The following DOCK2 variants were observed in gnomAD, a reference collection of about 807,000 sequenced individuals.
DOCK2 encodes the protein dedicator of cytokinesis 2.
DOCK2 carries 87 observed loss-of-function variants against 248.9 expected under a neutral mutation model. The observed-to-expected ratio is 0.35, with a 90% CI of 0.29 to 0.42. The LOEUF is 0.42. Ranked by LOEUF, DOCK2 falls within the 10% of genes least tolerant of loss-of-function variation. DOCK2 has a pLI of 1.00. For synonymous variants in DOCK2, 805 were observed against 821.6 expected (o/e 0.98, Z 0.35); for missense variants, 1,747 against 2,300.2 (o/e 0.76, Z 4.92).
intron 1 of DOCK2, among the ~76,000 whole-genome samples, chr5:169,649,417 A>C (rs1757673122): frequency 1.3e-5 from 2 of 152,242 alleles, no homozygotes; most frequent in African/African-American, 2.4e-5. Flanking sequence ...GAAGGGACAT[A>C]GCTGCCCTTC....
chr5:169,794,394 A>G (rs2113083804), intron 25 of DOCK2, among the ~76,000 whole-genome samples: 1 of 152,280 alleles, frequency 6.6e-6, no homozygotes, highest in South Asian at 2.1e-4. Context: ...TATCTAACCT[A>G]AGACAACTAT....
At chr5:169,858,228 T>C (rs1770996725) in intron 27 of DOCK2, among the ~76,000 whole-genome samples, 1 of 152,192 alleles carries the variant, frequency 6.6e-6, no homozygotes, top group South Asian at 2.1e-4. Flanking sequence ...GATACCTTGA[T>C]CAAAGAATGA....
chr5:169,723,889 C>G (rs1762335613), intron 22 of DOCK2, among the ~76,000 whole-genome samples: 1 of 152,090 alleles, frequency 6.6e-6, no homozygotes, highest in South Asian at 2.1e-4. Context: ...GAACCTTTGA[C>G]TGTTTTGTAC....
At chr5:169,815,897 G>C (rs1450822728) in intron 26 of DOCK2, among the ~76,000 whole-genome samples, 2 of 152,172 alleles carry the variant, frequency 1.3e-5, no homozygotes, top group Non-Finnish European at 2.9e-5. Flanking sequence ...AGACTGTAGA[G>C]GGGCTGCGGA....
intron 26 of DOCK2, among the ~76,000 whole-genome samples, chr5:169,819,177 G>C (rs1055665878): frequency 6.6e-6 from 1 of 152,162 alleles, no homozygotes; most frequent in Non-Finnish European, 1.5e-5. Context: ...AGGCCCGTTG[G>C]CTCATGCCTG....
rs138082630 is a variant in DOCK2 at position 169,788,272 on chromosome 5, A to G, written c.2555-14786A>G. 3.6e-3 allele frequency among the ~76,000 whole-genome samples: 546 copies of G among 152,294 alleles called. 3 individuals carry two copies. Among genetic ancestry groups the G allele is most frequent in the African/African-American group, 0.012 (518 of 41,552 alleles). On this transcript the variant is annotated intron_variant, in intron 25 of 51. Transcript: ENST00000520908. ...TTGGCATTTGGCAGACGCTTGACACATACTTTTTCACATGAATAGAGAAAC... is the reference window on the plus strand; with the variant it reads ...TTGGCATTTGGCAGACGCTTGACACGTACTTTTTCACATGAATAGAGAAAC...
At chr5:169,783,547 TATG>T (rs1463087111) in intron 25 of DOCK2, among the ~76,000 whole-genome samples, 1 of 152,152 alleles carries the variant, frequency 6.6e-6, no homozygotes, top group Non-Finnish European at 1.5e-5. Flanking sequence ...TTGAAATTAG[TATG>T]ATTATTATTT....
chr5:170,056,433 T>C, intron 42 of DOCK2: 1 of 369,308 alleles, frequency 2.7e-6, no homozygotes. Flanking sequence ...ATTGCCTGGA[T>C]ACTCTAGGGG....
intron 30 of DOCK2, among the ~76,000 whole-genome samples, chr5:170,003,972 G>A (rs997135530): frequency 1.3e-5 from 2 of 151,876 alleles, no homozygotes; most frequent in Admixed American, 6.6e-5. Context: ...TGCCATTTCT[G>A]ATCCACTAAG....
At chr5:169,663,899 A>T (rs535071087) in intron 2 of DOCK2, among the ~76,000 whole-genome samples, 2 of 152,340 alleles carry the variant, frequency 1.3e-5, no homozygotes, top group African/African-American at 2.4e-5. Flanking sequence ...CTTGTTACTT[A>T]TATAAATTTC....
chr5:169,661,393 G>A (rs530604929), intron 2 of DOCK2, among the ~76,000 whole-genome samples: 5 of 152,232 alleles, frequency 3.3e-5, no homozygotes, highest in South Asian at 2.1e-4. Context: ...AGATAGTTAC[G>A]ATAGTGAAAC....
Position 169,711,945 on chromosome 5 carries a change from C to G in DOCK2, c.1493C>G (p.Pro498Arg). ...RWMETVKVAVPIEDMQRIHLR... is the reference protein window; with the variant it reads ...RWMETVKVAVRIEDMQRIHLR... ...TTTCTGTCTGCTGAGGTGGCTGTCC[C>G]TATTGAAGACATGCAGAGGATCCAT... is the stretch of plus-strand genomic sequence containing the variant. The change falls in exon 16 of 52, where the codon CCT becomes CGT. Residue 498 changes from proline to arginine, a missense_variant. Transcript: ENST00000520908. 6.2e-7 allele frequency: 1 copy of G among 1,613,978 alleles called. No homozygotes were observed. The highest frequency in any genetic ancestry group is 8.5e-7 in the Non-Finnish European group (1 of 1,179,932).
At chr5:169,853,688 T>C (rs945161579) in intron 27 of DOCK2, among the ~76,000 whole-genome samples, 4 of 152,024 alleles carry the variant, frequency 2.6e-5, no homozygotes, top group Non-Finnish European at 4.4e-5. Context: ...GCTCAGAACA[T>C]GTTCTAAGGC....
chr5:169,791,662 G>A (rs560502280), intron 25 of DOCK2, among the ~76,000 whole-genome samples: 6 of 152,214 alleles, frequency 3.9e-5, no homozygotes, highest in Non-Finnish European at 7.3e-5. Context: ...TAACACTGGC[G>A]TTGGAGTCAG....
chr5:169,982,234 G>A (rs1777961520), intron 27 of DOCK2, among the ~76,000 whole-genome samples: 2 of 152,086 alleles, frequency 1.3e-5, no homozygotes, highest in Non-Finnish European at 1.5e-5. Flanking sequence ...GTGGATTCGT[G>A]GCTAGTGCTT....
intron 27 of DOCK2, among the ~76,000 whole-genome samples, chr5:169,859,025 A>T (rs982228883): frequency 2.0e-5 from 3 of 152,216 alleles, no homozygotes; most frequent in Non-Finnish European, 2.9e-5. Flanking sequence ...AAATATATTT[A>T]AAAAATAAGT....
chr5:169,753,054 ACT>A (rs564626380), intron 23 of DOCK2, among the ~76,000 whole-genome samples: 543 of 140,460 alleles, frequency 3.9e-3, no homozygotes, highest in Non-Finnish European at 5.7e-3. Context: ...ACAGAGCAAG[ACT>A]CTATCTAAAA....
chr5:170,028,083 A>G, intron 34 of DOCK2, 135 bp downstream of exon 34: 1 of 630,228 alleles, frequency 1.6e-6, no homozygotes, highest in South Asian at 5.5e-5. Flanking sequence ...TATTGGCAAA[A>G]CTCCATTTTT....
At chr5:169,731,313 A>T (rs1485212102) in intron 22 of DOCK2, among the ~76,000 whole-genome samples, 1 of 152,168 alleles carries the variant, frequency 6.6e-6, no homozygotes, top group African/African-American at 2.4e-5. Context: ...TGATTGAATT[A>T]CAGGGGTGGG....
Sources: allele counts gnomAD v4.1 joint callset (sites outside exome capture counted in the v4.1 genomes callset), GRCh38; gene constraint gnomAD v4.1.1; transcripts MANE v1.5; gene names NCBI Gene and HGNC (gene_info 2026-07-23, HGNC 2026-07-21).